The following KIF26B variants were observed in gnomAD, a reference collection of about 807,000 sequenced individuals.
KIF26B encodes kinesin family member 26B, also known as kinesin-like protein KIF26B.
KIF26B carries 63 observed loss-of-function variants against 151.2 expected under a neutral mutation model. That is an observed-to-expected ratio of 0.42 (90% CI 0.34 to 0.51). The LOEUF is 0.51. KIF26B is among the 20% of genes least tolerant of loss of function. The pLI is 0.07. For missense variants in KIF26B, 2,813 were observed against 2,913.6 expected (o/e 0.97, Z 0.79); for synonymous variants, 1,357 against 1,262.1 (o/e 1.08, Z -1.59).
intron 5 of KIF26B, among the ~76,000 whole-genome samples, chr1:245,576,255 A>G (rs2043117905): frequency 6.6e-6 from 1 of 152,220 alleles, no homozygotes; most frequent in African/African-American, 2.4e-5. Context: ...ACCGGGACGC[A>G]GCGTTCCCAT....
At chr1:245,219,160 A>T (rs2103548030) in intron 2 of KIF26B, among the ~76,000 whole-genome samples, 1 of 72,422 alleles carries the variant, frequency 1.4e-5, no homozygotes, top group South Asian at 5.7e-4. Flanking sequence ...TTTTTTTGAG[A>T]CGGAGTCTTG....
intron 3 of KIF26B, among the ~76,000 whole-genome samples, chr1:245,414,588 G>C (rs1475045510): frequency 6.6e-6 from 1 of 152,242 alleles, no homozygotes; most frequent in African/African-American, 2.4e-5. Flanking sequence ...GCCCGGTGCT[G>C]CGGGGCTCAC....
intron 4 of KIF26B, among the ~76,000 whole-genome samples, chr1:245,444,506 C>T (rs1453512570): frequency 3.3e-5 from 5 of 152,198 alleles, no homozygotes; most frequent in African/African-American, 1.2e-4. Flanking sequence ...AACCAGATAC[C>T]CGTGGTATTT....
intron 2 of KIF26B, among the ~76,000 whole-genome samples, chr1:245,202,813 T>C (rs1573705550): frequency 7.6e-6 from 1 of 130,738 alleles, no homozygotes; most frequent in South Asian, 2.5e-4. Flanking sequence ...TGGTGGCGCA[T>C]ACCTATAACC....
At chr1:245,298,178 C>T (rs34533869) in intron 2 of KIF26B, among the ~76,000 whole-genome samples, 10,427 of 152,228 alleles carry the variant, frequency 0.068, 363 homozygotes, top group Middle Eastern at 0.085. Flanking sequence ...TGAGCCACCG[C>T]GCCCAGCCCT....
intron 10 of KIF26B, among the ~76,000 whole-genome samples, chr1:245,663,390 A>T (rs199509080): frequency 1.7e-4 from 3 of 17,278 alleles, no homozygotes; most frequent in East Asian, 0.01. Context: ...ATTTGTGATC[A>T]TTTTTTTTTG....
chr1:245,509,583 A>G (rs1402584258), intron 4 of KIF26B, among the ~76,000 whole-genome samples: 7 of 152,140 alleles, frequency 4.6e-5, no homozygotes, highest in Non-Finnish European at 1.0e-4. Context: ...CACTTGCTCA[A>G]TGTCAATGAA....
At chr1:245,657,967 C>T (rs368847890) in intron 10 of KIF26B, among the ~76,000 whole-genome samples, 1 of 152,156 alleles carries the variant, frequency 6.6e-6, no homozygotes, top group Admixed American at 6.5e-5. Flanking sequence ...CTTGTGTGAT[C>T]GTCTGCCTTC....
At chr1:245,190,656 C>CTTTTTTTTTTTTTTTTTT (rs1669089534) in intron 2 of KIF26B, among the ~76,000 whole-genome samples, 1 of 80,752 alleles carries the variant, frequency 1.2e-5, no homozygotes, top group African/African-American at 6.2e-5. Context: ...TTTTTTTTTA[C>CTTTTTTTTTTTTTTTTTT]ATTTCTTACA....
intron 4 of KIF26B, among the ~76,000 whole-genome samples, chr1:245,478,694 C>T (rs1282480600): frequency 1.3e-5 from 2 of 151,606 alleles, no homozygotes; most frequent in Non-Finnish European, 3.0e-5. Context: ...GGATGACAGG[C>T]GTGAGCCACC....
intron 2 of KIF26B, among the ~76,000 whole-genome samples, chr1:245,200,284 C>T (rs1281272702): frequency 6.6e-6 from 1 of 152,216 alleles, no homozygotes; most frequent in Admixed American, 6.5e-5. Context: ...ATTTCATGAA[C>T]TGCTCTTTAT....
chr1:245,545,690 T>C (rs1558208479), intron 5 of KIF26B, among the ~76,000 whole-genome samples: 1 of 152,348 alleles, frequency 6.6e-6, no homozygotes, highest in Non-Finnish European at 1.5e-5. Context: ...AATAAGCAGA[T>C]AAAGATGATT....
At chr1:245,356,546 G>A (rs1672705442) in intron 2 of KIF26B, among the ~76,000 whole-genome samples, 1 of 151,878 alleles carries the variant, frequency 6.6e-6, no homozygotes, top group South Asian at 2.1e-4. Flanking sequence ...GAGAGAGTGA[G>A]ACTCTGTCTC....
In KIF26B at chr1:245,318,894, A is replaced by AC. The variant is rs397729761; in HGVS notation, c.466-47939dup. ...AGCCAAGATTGATGAGGAAAAAAAA[A>AC]CAAAAACCAAAATCTACTGCATTTT... On this transcript the variant is annotated intron_variant, in intron 2 of 14. Coordinates refer to ENST00000407071, the MANE Select transcript of KIF26B (RefSeq NM_018012.4). This position sits in a 1 kb window ranked among gnomAD's most constrained non-coding sequence, Gnocchi z 4.0. Among the ~76,000 whole-genome samples, 13 of 151,808 alleles carry AC rather than the reference A, an allele frequency of 8.6e-5. No homozygotes were observed. In the East Asian group the frequency reaches 1.7e-3, roughly 20 times the overall value.
intron 2 of KIF26B, among the ~76,000 whole-genome samples, chr1:245,336,513 A>G (rs1251352906): frequency 3.3e-5 from 5 of 152,232 alleles, no homozygotes. Context: ...TTCTTCACGC[A>G]CGTGGAATCA....
chr1:245,520,111 AACTG>A (rs1661056255), intron 4 of KIF26B, among the ~76,000 whole-genome samples: 1 of 71,016 alleles, frequency 1.4e-5, no homozygotes, highest in African/African-American at 5.2e-5. Context: ...ATACTCAACT[AACTG>A]AGAGAGAGAG....
In KIF26B at chr1:245,318,952, AC is replaced by A. The variant is rs1671833504; in HGVS notation, c.466-47881del. On this transcript the variant is annotated intron_variant, in intron 2 of 14. Transcript: ENST00000407071. This position sits in a 1 kb window ranked among gnomAD's most constrained non-coding sequence, Gnocchi z 4.0. Reference sequence around the variant, plus strand: ...TTTAGGAAGAAGTAAACTTTTGTAAACAGGAAGAACACAGGGATATTTGCTC... The same window carrying A: ...TTTAGGAAGAAGTAAACTTTTGTAAAAGGAAGAACACAGGGATATTTGCTC... Among the ~76,000 whole-genome samples the A allele has an allele frequency of 6.6e-6, 1 of 152,214 alleles. No individual in the cohort carries two copies. Among genetic ancestry groups the A allele is most frequent in the Non-Finnish European group, 1.5e-5 (1 of 68,034 alleles).
intron 4 of KIF26B, among the ~76,000 whole-genome samples, chr1:245,475,635 A>G (rs1452224458): frequency 6.6e-6 from 1 of 151,916 alleles, no homozygotes; most frequent in African/African-American, 2.4e-5. Flanking sequence ...CAATAAGCAC[A>G]CGAAAAGATG....
intron 2 of KIF26B, among the ~76,000 whole-genome samples, chr1:245,291,918 G>T (rs1048807405): frequency 6.6e-6 from 1 of 152,168 alleles, no homozygotes; most frequent in African/African-American, 2.4e-5. Flanking sequence ...CAGCTCAGGG[G>T]TGAGGGATGG....
Sources: gnomAD v4.1 joint callset for allele counts (sites outside exome capture counted in the v4.1 genomes callset) on GRCh38, gnomAD v4.1.1 for gene constraint, Gnocchi (gnomAD v3.1) non-coding constraint, MANE v1.5 for transcripts, NCBI Gene and HGNC (gene_info 2026-07-23, HGNC 2026-07-21) for gene names.